Variants in DAGLA observed in about 807,000 individuals in gnomAD.
DAGLA encodes diacylglycerol lipase-alpha.
A neutral mutation model predicts 102.6 loss-of-function variants in DAGLA; 22 were observed. The observed-to-expected ratio is 0.21, with a 90% CI of 0.15 to 0.31. The LOEUF is 0.31. Ranked by LOEUF, DAGLA falls within the 10% of genes least tolerant of loss-of-function variation. DAGLA has a pLI of 1.00. For synonymous variants in DAGLA, 578 were observed against 628.9 expected, an observed-to-expected ratio of 0.92 and a Z score of 1.21; for missense variants, 927 against 1,446.6, an observed-to-expected ratio of 0.64 and a Z score of 5.83.
intron 1 of DAGLA, among the ~76,000 whole-genome samples, chr11:61,695,486 G>A (rs544915640): frequency 1.3e-5 from 2 of 152,322 alleles, no homozygotes; most frequent in East Asian, 3.9e-4. Context: ...CAGCGGGGAG[G>A]AGCAGTGGGA....
At chr11:61,683,947 C>G (rs189494141) in intron 1 of DAGLA, among the ~76,000 whole-genome samples, 2 of 152,320 alleles carry the variant, frequency 1.3e-5, no homozygotes, top group East Asian at 3.9e-4. Context: ...TTTTCCTTGT[C>G]CATGTTTCTC....
chr11:61,718,211 A>G (rs2065252310), intron 1 of DAGLA, among the ~76,000 whole-genome samples: 2 of 152,150 alleles, frequency 1.3e-5, no homozygotes, highest in Non-Finnish European at 2.9e-5. Context: ...CCCCTCTGGG[A>G]CAGCACTGCT....
Position 61,744,565 on chromosome 11 carries a change from G to T in DAGLA, c.*76G>T, listed in dbSNP as rs914648237. On this transcript the variant is annotated 3_prime_UTR_variant, in exon 20 of 20. Transcript: ENST00000257215. ...GGGCACCTGGTGCCTGCCCCCTGCC[G>T]GGCAGCTTTAAGGACAGACCCCCAG... is the stretch of plus-strand genomic sequence containing the variant. The T allele has an allele frequency of 7.5e-7, 1 of 1,335,694 alleles. No homozygotes were observed. The highest frequency in any genetic ancestry group is 1.5e-5 in the African/African-American group (1 of 68,220). The allele number at this position is 1,335,694 out of a possible 1,614,324, so 82.7% of individuals were successfully genotyped here.
chr11:61,692,801 G>A (rs908420154), intron 1 of DAGLA, among the ~76,000 whole-genome samples: 2 of 151,896 alleles, frequency 1.3e-5, no homozygotes. Flanking sequence ...CGTACATCTT[G>A]TATGTGGACT....
intron 1 of DAGLA, among the ~76,000 whole-genome samples, chr11:61,710,478 G>A (rs373567239): frequency 1.3e-5 from 2 of 152,140 alleles, no homozygotes; most frequent in African/African-American, 4.8e-5. Context: ...TCAGGCTTTG[G>A]AGTGTTCTAG....
chr11:61,723,862 T>A (rs556852691), intron 5 of DAGLA, among the ~76,000 whole-genome samples: 2 of 152,234 alleles, frequency 1.3e-5, no homozygotes, highest in African/African-American at 4.8e-5. Context: ...TAATAGTAGT[T>A]GTTGTCATCA....
In DAGLA at chr11:61,734,829, C is replaced by T. The variant is rs1249444491; in HGVS notation, c.975-20C>T. 1 of 1,606,256 alleles carries T rather than the reference C, an allele frequency of 6.2e-7. No individual in the cohort carries two copies. The highest frequency in any genetic ancestry group is 8.5e-7 in the Non-Finnish European group (1 of 1,174,042). ...CTCGGGGACTCCCTGGCCCTGAACT[C>T]TCTTGTCACCCCACCCTAGGTGTTG... On this transcript the variant is annotated intron_variant, in intron 9 of 19. Transcript: ENST00000257215. This position sits in a 1 kb window ranked among gnomAD's most constrained non-coding sequence, Gnocchi z 4.2.
chr11:61,699,623 G>A (rs2065093359), intron 1 of DAGLA, among the ~76,000 whole-genome samples: 1 of 152,230 alleles, frequency 6.6e-6, no homozygotes, highest in Admixed American at 6.5e-5. Context: ...CTCACCCTTT[G>A]CAGACTCATG....
At chr11:61,713,952 A>G (rs561521299) in intron 1 of DAGLA, among the ~76,000 whole-genome samples, 1 of 152,200 alleles carries the variant, frequency 6.6e-6, no homozygotes, top group African/African-American at 2.4e-5. Context: ...CCTTTCACAT[A>G]GGAATCCCAT....
chr11:61,731,274 A>G lies in DAGLA; in HGVS notation c.850-43A>G, dbSNP rs369349625. The G allele has an allele frequency of 2.5e-6, 4 of 1,608,628 alleles. No individual in the cohort carries two copies. In the African/African-American group the frequency reaches 5.3e-5, roughly 21 times the overall value. ...ACTGCTGGGCCCTGAGGCTGTAGGC[A>G]GGAAGGGCAGGAGGTGACCGCCCTC... On this transcript the variant is annotated intron_variant, in intron 8 of 19. Coordinates refer to ENST00000257215, the MANE Select transcript of DAGLA (RefSeq NM_006133.3).
chr11:61,728,323 C>T, intron 7 of DAGLA, 36 bp downstream of exon 7: 1 of 1,600,276 alleles, frequency 6.2e-7, no homozygotes, highest in Non-Finnish European at 8.5e-7. Flanking sequence ...GGTCACCTCT[C>T]CACACCACCC....
chr11:61,743,573 AG>A lies in DAGLA; in HGVS notation c.2217del (p.Arg740GlyfsTer95). The A allele has an allele frequency of 1.3e-6, 2 of 1,549,854 alleles. No individual in the cohort carries two copies. The stretch of plus-strand genomic sequence containing the variant: ...GAGATGAGCCTGGAGGGCTTCTCGG[AG>A]GGGCGGCTGCTGTCGCCAGTGGTTG... ...QSEMSLEGFSEGRLLSPVVAA... is the reference protein window; with the variant it reads ...QSEMSLEGFSXGRLLSPVVAA... On this transcript the variant is annotated frameshift_variant, in exon 20 of 20. Transcript: ENST00000257215. LOFTEE classifies it high-confidence loss of function.
Position 61,741,342 on chromosome 11 carries a change from A to C in DAGLA, c.2164A>C (p.Ser722Arg), listed in dbSNP as rs761894045. Residue 722 changes from serine to arginine, a missense_variant, in exon 19 of 20, where the codon AGC becomes CGC. Transcript: ENST00000257215. ...GCCGACTGCAGACCACCGCAACAGC[A>C]GCGTCAGGTGAGCCTTGGCCACTCC... The part of the protein sequence containing the change: ...ELPTADHRNS[S>R]VRSKSQSEMS... The C allele has an allele frequency of 1.2e-6, 2 of 1,606,496 alleles. No individual in the cohort carries two copies. The highest frequency in any genetic ancestry group is 1.1e-5 in the South Asian group (1 of 90,952).
intron 1 of DAGLA, among the ~76,000 whole-genome samples, chr11:61,703,308 G>A (rs1446932461): frequency 2.6e-5 from 4 of 152,192 alleles, no homozygotes; most frequent in Admixed American, 2.6e-4. Context: ...ATGGTGAGAA[G>A]TGCTGATAGG....
At chr11:61,714,613 A>G (rs566570281) in intron 1 of DAGLA, among the ~76,000 whole-genome samples, 1 of 152,300 alleles carries the variant, frequency 6.6e-6, no homozygotes, top group African/African-American at 2.4e-5. Context: ...TGGGGTATGT[A>G]GTGAGGTAGA....
rs556723549 is a variant in DAGLA, at chr11:61,686,220, A to G, written c.-45+5716A>G. Reference sequence around the variant, plus strand: ...GGTCAGTGTGGTCACTAGGAGGGGAAGGGGTGGGAAGTGGGGCCAGGAAGC... The same window carrying G: ...GGTCAGTGTGGTCACTAGGAGGGGAGGGGGTGGGAAGTGGGGCCAGGAAGC... On this transcript the variant is annotated intron_variant, in intron 1 of 19. Transcript: ENST00000257215. The surrounding 1 kb of genome is among the most constrained non-coding windows in gnomAD (Gnocchi z 5.2). 5.9e-5 allele frequency among the ~76,000 whole-genome samples: 9 copies of G among 151,878 alleles called. No individual in the cohort carries two copies. The South Asian group carries it at 1.5e-3, about 25-fold the overall frequency.
intron 1 of DAGLA, among the ~76,000 whole-genome samples, chr11:61,706,390 TG>T: frequency 6.6e-6 from 1 of 152,256 alleles, no homozygotes; most frequent in Non-Finnish European, 1.5e-5. Flanking sequence ...AGGGACCTGG[TG>T]TCTGCACCCC....
At chr11:61,694,866 G>A (rs527777676) in intron 1 of DAGLA, among the ~76,000 whole-genome samples, 3 of 152,322 alleles carry the variant, frequency 2.0e-5, no homozygotes, top group South Asian at 4.1e-4. Flanking sequence ...TGGGAAGAGC[G>A]AGAGGCCTGG....
chr11:61,711,263 GCCCGGCCGCA>G (rs975817495), intron 1 of DAGLA, among the ~76,000 whole-genome samples: 6 of 152,190 alleles, frequency 3.9e-5, no homozygotes, highest in Non-Finnish European at 7.4e-5. Context: ...GATCCAGGCT[GCCCGGCCGCA>G]CCCATCACAG....
Sources: allele counts gnomAD v4.1 joint callset (sites outside exome capture counted in the v4.1 genomes callset), GRCh38; gene constraint gnomAD v4.1.1; non-coding constraint Gnocchi (gnomAD v3.1); transcripts MANE v1.5; gene names NCBI Gene and HGNC (gene_info 2026-07-23, HGNC 2026-07-21).